The following PPP1R13L variants were observed in gnomAD, a reference collection of about 807,000 sequenced individuals.
PPP1R13L encodes protein phosphatase 1 regulatory subunit 13 like.
PPP1R13L carries 50 observed loss-of-function variants against 80.9 expected under a neutral mutation model. The observed-to-expected ratio is 0.62, with a 90% CI of 0.49 to 0.78. PPP1R13L has a LOEUF of 0.78. PPP1R13L is among the 30% of genes least tolerant of loss of function. The pLI is 0.00. For missense variants in PPP1R13L, 1,200 were observed against 1,205.9 expected (o/e 1.00, Z 0.07); for synonymous variants, 602 against 534.3 (o/e 1.13, Z -1.75).
chr19:45,406,266 A>T, upstream of PPP1R13L: 1 of 1,009,604 alleles, frequency 9.9e-7, no homozygotes, highest in Non-Finnish European at 1.2e-6. The surrounding 1 kb of genome is among the most constrained non-coding windows in gnomAD (Gnocchi z 4.2). Flanking sequence ...CACAGAAAGC[A>T]CAGCCCTACT....
Position 45,391,782 on chromosome 19 carries a change from C to A in PPP1R13L, c.1815+98G>T, listed in dbSNP as rs182779355. 5.5e-4 allele frequency: 530 copies of A among 958,894 alleles called. 1 individual carries two copies. In the African/African-American group the frequency reaches 6.1e-3, roughly 11 times the overall value. The allele number at this position is 958,894 out of a possible 1,614,324, so 59.4% of individuals were successfully genotyped here. On this transcript the variant is annotated intron_variant, in intron 8 of 12. Transcript: ENST00000360957. ...GACTTCTACTCAAAAGAGGAGAAAA[C>A]TTCGATCTCATCTAAGCCACTATAT...
intron 1 of PPP1R13L, among the ~76,000 whole-genome samples, chr19:45,400,602 CTTTT>C (rs57044476): frequency 7.2e-6 from 1 of 138,812 alleles, no homozygotes. Flanking sequence ...GGCAAATCAC[CTTTT>C]TTTTTTTTTT....
In PPP1R13L at chr19:45,396,101, G is replaced by A; in HGVS notation, c.903+67C>T. 5 of 1,513,914 alleles carry A rather than the reference G, an allele frequency of 3.3e-6. No homozygotes were observed. The highest frequency in any genetic ancestry group is 4.5e-6 in the Non-Finnish European group (5 of 1,123,284). The allele number at this position is 1,513,914 out of a possible 1,614,324, so 93.8% of individuals were successfully genotyped here. A position where few individuals can be genotyped will look rare whatever the true frequency, so the allele number is the denominator to read the frequency against. ...CAGCCCCGAGGGGGAGACTGGCCTT[G>A]ACCCCGCTCCCCCACCCCACTCCTC... On this transcript the variant is annotated intron_variant, in intron 6 of 12. Transcript: ENST00000360957. This position sits in a 1 kb window ranked among gnomAD's most constrained non-coding sequence, Gnocchi z 5.3.
At position 45,391,871 on chromosome 19, in the gene PPP1R13L, A is replaced by C. The variant is rs1465630967; in HGVS notation, c.1815+9T>G. ...CAAACATACCCCGGTTTCCTCCTGTATTACTTACCATGCTCTGCGGCTGCT... is the reference window on the plus strand; with the variant it reads ...CAAACATACCCCGGTTTCCTCCTGTCTTACTTACCATGCTCTGCGGCTGCT... On this transcript the variant is annotated intron_variant, in intron 8 of 12. Coordinates refer to ENST00000360957, the MANE Select transcript of PPP1R13L (RefSeq NM_006663.4). The C allele has an allele frequency of 6.8e-7, 1 of 1,464,602 alleles. No homozygotes were observed. 90.7% of individuals were successfully genotyped at this position (1,464,602 alleles called of 1,614,324 possible).
chr19:45,403,845 G>C lies in PPP1R13L; in HGVS notation c.-22+1154C>G, dbSNP rs575762725. On this transcript the variant is annotated intron_variant, in intron 1 of 12. Transcript: ENST00000360957. ...TTTAATCCCCCTTCTTAGGACGCAT[G>C]GGGGTGGAGAGAACGGGGAGATAGA... Among the ~76,000 whole-genome samples the C allele has an allele frequency of 2.6e-5, 4 of 152,056 alleles. No homozygotes were observed. The South Asian group carries it at 8.3e-4, about 32-fold the overall frequency.
intron 11 of PPP1R13L, among the ~76,000 whole-genome samples, chr19:45,383,623 G>T (rs1384250069): frequency 1.3e-5 from 2 of 151,888 alleles, no homozygotes; most frequent in Non-Finnish European, 2.9e-5. Context: ...ATTGCTGAAT[G>T]CCCGTGTCAA....
At chr19:45,389,795 T>A (rs1361007437) in intron 8 of PPP1R13L, among the ~76,000 whole-genome samples, 3 of 151,820 alleles carry the variant, frequency 2.0e-5, no homozygotes, top group Admixed American at 6.6e-5. Context: ...ATTTATTTAT[T>A]TTTATTTTTA....
intron 1 of PPP1R13L, among the ~76,000 whole-genome samples, chr19:45,400,475 G>A (rs924901148): frequency 6.6e-6 from 1 of 151,944 alleles, no homozygotes; most frequent in Non-Finnish European, 1.5e-5. Context: ...CTGGGAAGTC[G>A]AAGGAACAGA....
intron 3 of PPP1R13L, among the ~76,000 whole-genome samples, chr19:45,397,462 T>TGC (rs1568561470): frequency 4.1e-4 from 44 of 107,014 alleles, no homozygotes; most frequent in African/African-American, 9.3e-4. Flanking sequence ...CTTGCTTGCT[T>TGC]TCTCTCTCTC....
At chr19:45,386,793 G>A (rs560461239) in intron 8 of PPP1R13L, among the ~76,000 whole-genome samples, 1 of 151,556 alleles carries the variant, frequency 6.6e-6, no homozygotes, top group African/African-American at 2.4e-5. Context: ...GCGCCACTAT[G>A]CCTGGCTAAT....
intron 1 of PPP1R13L, among the ~76,000 whole-genome samples, chr19:45,402,914 A>T (rs1320374849): frequency 6.6e-6 from 1 of 152,166 alleles, no homozygotes; most frequent in East Asian, 1.9e-4. Flanking sequence ...AGAGAGCCAG[A>T]CTGAGCTGGG....
At chr19:45,382,441 G>A (rs1346863447) in intron 12 of PPP1R13L, 86 bp downstream of exon 12, 2 of 1,482,840 alleles carry the variant, frequency 1.3e-6, no homozygotes, top group Non-Finnish European at 9.2e-7. Flanking sequence ...GTTTGTTCCT[G>A]TTGCCTCTTC....
chr19:45,384,883 A>G (rs1351458618), intron 11 of PPP1R13L, among the ~76,000 whole-genome samples: 1 of 152,096 alleles, frequency 6.6e-6, no homozygotes, highest in Non-Finnish European at 1.5e-5. Context: ...TTGTAGAGAC[A>G]GGGGGTCTCT....
Position 45,386,172 on chromosome 19 carries a change from G to T in PPP1R13L, c.1824C>A (p.Arg608=). The change falls in exon 9 of 13, where the codon CGC becomes CGA. Residue 608 remains arginine (R), a synonymous_variant. Transcript: ENST00000360957. The part of the protein sequence containing the change: ...PPEQPQSMEM[R]SVLRKAGSPR... ...GGGAGCCCGCCTTCCGCAGCACAGAGCGCATCTCCTGGGGGACAGGGCGCA... is the reference window on the plus strand; with the variant it reads ...GGGAGCCCGCCTTCCGCAGCACAGATCGCATCTCCTGGGGGACAGGGCGCA... 1 of 1,525,552 alleles carries T rather than the reference G, an allele frequency of 6.6e-7. No homozygotes were observed. Among genetic ancestry groups the T allele is most frequent in the South Asian group, 1.3e-5 (1 of 78,202 alleles). 94.5% of individuals were successfully genotyped at this position (1,525,552 alleles called of 1,614,324 possible). A position where few individuals can be genotyped will look rare whatever the true frequency, so the allele number is the denominator to read the frequency against.
chr19:45,395,511 G>T lies in PPP1R13L; in HGVS notation c.1279C>A (p.Gln427Lys). The change falls in exon 7 of 13, where the codon CAG becomes AAG. Residue 427 changes from glutamine to lysine, a missense_variant. Coordinates refer to ENST00000360957, the MANE Select transcript of PPP1R13L (RefSeq NM_006663.4). ...QSQPQPQLPP[Q>K]PQTQPQTPTP... ...GGGGTTTGGGGTTGGGTCTGGGGCT[G>T]TGGGGGCAGCTGGGGCTGTGGTTGT... The T allele has an allele frequency of 6.7e-7, 1 of 1,492,816 alleles. No homozygotes were observed. The allele number at this position is 1,492,816 out of a possible 1,614,324, so 92.5% of individuals were successfully genotyped here.
At chr19:45,405,254 C>A (rs1175921241), upstream of PPP1R13L, among the ~76,000 whole-genome samples, 1 of 152,098 alleles carries the variant, frequency 6.6e-6, no homozygotes, top group Non-Finnish European at 1.5e-5. Flanking sequence ...ACAGGAAGGG[C>A]GAGGCCCAGA....
At chr19:45,385,796 CCAG>C (rs757105057) in intron 10 of PPP1R13L, 25 bp downstream of exon 10, 1 of 1,609,418 alleles carries the variant, frequency 6.2e-7, no homozygotes, top group African/African-American at 1.3e-5. Flanking sequence ...CACGGGGGAC[CCAG>C]CCCACCGCGC....
chr19:45,393,254 T>G (rs1470946115), intron 7 of PPP1R13L: 3 of 151,302 alleles, frequency 2.0e-5, no homozygotes, highest in Non-Finnish European at 4.4e-5. Context: ...ATATAGTGTA[T>G]ATATATTTTT....
At chr19:45,405,362 G>A (rs1006490796), upstream of PPP1R13L, among the ~76,000 whole-genome samples, 1 of 152,176 alleles carries the variant, frequency 6.6e-6, no homozygotes, top group African/African-American at 2.4e-5. Flanking sequence ...CACCCCTTCA[G>A]GCGCACTATC....
Sources: allele counts gnomAD v4.1 joint callset (sites outside exome capture counted in the v4.1 genomes callset), GRCh38; gene constraint gnomAD v4.1.1; non-coding constraint Gnocchi (gnomAD v3.1); transcripts MANE v1.5; gene names NCBI Gene and HGNC (gene_info 2026-07-23, HGNC 2026-07-21).